The following ZEB1 variants were observed in gnomAD, a reference collection of about 807,000 sequenced individuals.
ZEB1 encodes the protein zinc finger E-box-binding homeobox 1.
A neutral mutation model predicts 84.9 loss-of-function variants in ZEB1; 21 were observed. That is an observed-to-expected ratio of 0.25 (90% CI 0.18 to 0.36). ZEB1 has a LOEUF of 0.36. Among genes scored for constraint, ZEB1 ranks in the 10% least tolerant of loss-of-function variants. The pLI is 1.00. For missense variants in ZEB1, 1,104 were observed against 1,330.2 expected, an observed-to-expected ratio of 0.83 and a Z score of 2.65; for synonymous variants, 420 against 471.1, an observed-to-expected ratio of 0.89 and a Z score of 1.41.
chr10:31,425,559 A>T lies in ZEB1; in HGVS notation c.59-35478A>T, dbSNP rs1024262443. On this transcript the variant is annotated intron_variant, in intron 1 of 8. Transcript: ENST00000424869. Reference sequence around the variant, plus strand: ...ACAATAAACCTGAGAAATTCTTTATAAAAAAATCCAAAATTAACCACATTT... The same window carrying T: ...ACAATAAACCTGAGAAATTCTTTATTAAAAAATCCAAAATTAACCACATTT... Among the ~76,000 whole-genome samples, 15 of 152,072 alleles carry T rather than the reference A, an allele frequency of 9.9e-5. 3 individuals carry two copies. The highest frequency in any genetic ancestry group is 8.5e-4 in the Admixed American group (13 of 15,282).
chr10:31,336,351 T>A lies in ZEB1; in HGVS notation c.58+17059T>A, dbSNP rs573286111. On this transcript the variant is annotated intron_variant, in intron 1 of 8. Coordinates refer to ENST00000424869, the MANE Select transcript of ZEB1 (RefSeq NM_001174096.2). ...TTGTTGGTTAATTAAATGGAAAAAA[T>A]TGGGGTTGGACTGCTGCCTCACACT... Among the ~76,000 whole-genome samples, 8 of 151,884 alleles carry A rather than the reference T, an allele frequency of 5.3e-5. No homozygotes were observed. The South Asian group carries it at 1.7e-3, about 32-fold the overall frequency.
intron 2 of ZEB1, among the ~76,000 whole-genome samples, chr10:31,489,398 A>G (rs1271408920): frequency 6.6e-6 from 1 of 150,780 alleles, no homozygotes; most frequent in Non-Finnish European, 1.5e-5. Flanking sequence ...ATTAATGGGG[A>G]TTTTTTTTAT....
At chr10:31,320,000 G>C (rs1263247977) in intron 1 of ZEB1, 2 of 150,920 alleles carry the variant, frequency 1.3e-5, no homozygotes, top group African/African-American at 4.9e-5. Context: ...TTCGGCCGGC[G>C]GCGGTAAAGT....
intron 1 of ZEB1, among the ~76,000 whole-genome samples, chr10:31,453,445 A>G (rs2060834216): frequency 1.3e-5 from 2 of 152,192 alleles, no homozygotes; most frequent in South Asian, 2.1e-4. Flanking sequence ...ATACCAATGA[A>G]TAAAAAATTG....
chr10:31,362,372 C>T (rs1346780471), intron 1 of ZEB1, among the ~76,000 whole-genome samples: 7 of 128,510 alleles, frequency 5.4e-5, no homozygotes, highest in African/African-American at 1.5e-4. Flanking sequence ...GTAGGGGGGC[C>T]GGGCAGAGGC....
At chr10:31,522,902 A>T (rs917177289) in intron 7 of ZEB1, among the ~76,000 whole-genome samples, 14 of 152,202 alleles carry the variant, frequency 9.2e-5, no homozygotes, top group African/African-American at 3.4e-4. Context: ...TTACGTGATC[A>T]TTGAATTCCT....
intron 2 of ZEB1, among the ~76,000 whole-genome samples, chr10:31,481,394 A>C (rs2065022635): frequency 1.3e-5 from 2 of 152,092 alleles, no homozygotes; most frequent in African/African-American, 4.8e-5. Context: ...CTAGGATTTA[A>C]ATACCATTCT....
At chr10:31,321,047 G>A (rs1301538507) in intron 1 of ZEB1, 9 of 711,112 alleles carry the variant, frequency 1.3e-5, no homozygotes, top group South Asian at 5.9e-5. Flanking sequence ...TAATGGGACC[G>A]CTGCAGCGTC....
At chr10:31,343,030 G>A (rs868059033) in intron 1 of ZEB1, among the ~76,000 whole-genome samples, 37 of 152,120 alleles carry the variant, frequency 2.4e-4, no homozygotes, top group African/African-American at 8.4e-4. Flanking sequence ...TTCCAAGGAC[G>A]GTAAAAACAA....
chr10:31,463,704 T>C (rs146178836), intron 2 of ZEB1, among the ~76,000 whole-genome samples: 17 of 152,332 alleles, frequency 1.1e-4, no homozygotes, highest in South Asian at 2.1e-4. Flanking sequence ...CTCGCACTGA[T>C]TTGAAGTCCA....
intron 1 of ZEB1, chr10:31,387,661 C>A: frequency 1.3e-6 from 1 of 743,572 alleles, no homozygotes; most frequent in Non-Finnish European, 1.6e-6. Context: ...TTGATAGAGC[C>A]AGCTGTGAAG....
At position 31,515,069 on chromosome 10, in the gene ZEB1, G is replaced by A. The variant is rs568285428; in HGVS notation, c.793+361G>A. 3.3e-5 allele frequency among the ~76,000 whole-genome samples: 5 copies of A among 152,128 alleles called. No individual in the cohort carries two copies. In the South Asian group the frequency reaches 1.0e-3, roughly 32 times the overall value. ...GTATAGAGATACGATTTGCACAAGA[G>A]AATAGGGAAGTGAAGACATCCTTTA... On this transcript the variant is annotated intron_variant, in intron 6 of 8. Coordinates refer to ENST00000424869, the MANE Select transcript of ZEB1 (RefSeq NM_001174096.2).
chr10:31,476,302 C>A (rs907855752), intron 2 of ZEB1, among the ~76,000 whole-genome samples: 2 of 151,978 alleles, frequency 1.3e-5, no homozygotes, highest in African/African-American at 4.8e-5. Flanking sequence ...AACAGAAATA[C>A]AAAAGCTCAT....
chr10:31,518,425 G>A (rs906474765), intron 6 of ZEB1, among the ~76,000 whole-genome samples: 10 of 152,136 alleles, frequency 6.6e-5, no homozygotes, highest in African/African-American at 2.4e-4. Flanking sequence ...CACTTGTTCT[G>A]TGTGGCATCA....
chr10:31,476,447 G>T (rs1054150055), intron 2 of ZEB1, among the ~76,000 whole-genome samples: 1 of 151,578 alleles, frequency 6.6e-6, no homozygotes, highest in Non-Finnish European at 1.5e-5. Context: ...TTATGAGTAA[G>T]GAAATTGAAT....
Position 31,527,117 on chromosome 10 carries a change from G to A in ZEB1, c.3231G>A (p.Glu1077=), listed in dbSNP as rs755327991. 39 of 1,604,524 alleles carry A rather than the reference G, an allele frequency of 2.4e-5. No homozygotes were observed. The highest frequency in any genetic ancestry group is 3.2e-5 in the Non-Finnish European group (38 of 1,174,988). The change falls in exon 9 of 9, where the codon GAG becomes GAA. Residue 1077 remains glutamate, a synonymous_variant. Coordinates refer to ENST00000424869, the MANE Select transcript of ZEB1 (RefSeq NM_001174096.2). ...AGGAGGAAGAAGTGGAAGAAGAAGA[G>A]GTAGAAGAGGCAGAGAATGAGGGAG... The part of the protein sequence containing the change: ...EEEEEEVEEE[E]VEEAENEGEE...
At chr10:31,500,964 A>C (rs2068038116) in intron 3 of ZEB1, among the ~76,000 whole-genome samples, 1 of 152,202 alleles carries the variant, frequency 6.6e-6, no homozygotes, top group African/African-American at 2.4e-5. Context: ...AGTGGGGAAA[A>C]AAATTAGGAT....
intron 1 of ZEB1, among the ~76,000 whole-genome samples, chr10:31,450,866 G>C (rs1208678751): frequency 6.7e-6 from 1 of 149,886 alleles, no homozygotes; most frequent in Non-Finnish European, 1.5e-5. Context: ...TTTTATTTAG[G>C]ACTGAGCGTG....
chr10:31,504,967 A>G (rs994546240), intron 4 of ZEB1, among the ~76,000 whole-genome samples: 2 of 152,108 alleles, frequency 1.3e-5, no homozygotes, highest in Non-Finnish European at 2.9e-5. Flanking sequence ...TCTGGCTAGG[A>G]CTTTCCAATA....
Sources: gnomAD v4.1 joint callset for allele counts (sites outside exome capture counted in the v4.1 genomes callset) on GRCh38, gnomAD v4.1.1 for gene constraint, MANE v1.5 for transcripts, NCBI Gene and HGNC (gene_info 2026-07-23, HGNC 2026-07-21) for gene names.